LRCH3: variants seen among roughly 807,000 people sequenced by gnomAD.
LRCH3 encodes the protein DISP complex protein LRCH3.
Under a neutral mutation model 104.5 loss-of-function variants are expected in LRCH3, and 68 were observed. That is an observed-to-expected ratio of 0.65 (90% CI 0.54 to 0.80). The LOEUF (loss-of-function observed/expected upper bound fraction) is 0.80, where lower values mean the gene tolerates loss of function less well. Ranked by LOEUF, LRCH3 falls within the 30% of genes least tolerant of loss-of-function variation. The pLI, the probability that LRCH3 is intolerant of heterozygous loss-of-function variation, is 0.00. For synonymous variants in LRCH3, 344 were observed against 361.3 expected, an observed-to-expected ratio of 0.95 and a Z score of 0.54; for missense variants, 951 against 953.9, an observed-to-expected ratio of 1.00 and a Z score of 0.04.
intron 7 of LRCH3, among the ~76,000 whole-genome samples, chr3:197,831,575 G>A (rs1017178144): frequency 6.6e-6 from 1 of 151,790 alleles, no homozygotes; most frequent in African/African-American, 2.4e-5. Context: ...GTTCATAAAT[G>A]TGGCTGTATC....
At chr3:197,850,351 C>CTTTTTTTTTTTTTTTTTTCTT in intron 12 of LRCH3, 5 of 618,702 alleles carry the variant, frequency 8.1e-6, no homozygotes, top group South Asian at 4.2e-5. Context: ...ACCATTTTTT[C>CTTTTTTTTTTTTTTTTTTCTT]TTTTTTTTTT....
chr3:197,791,525 G>T lies in LRCH3; in HGVS notation c.247G>T (p.Asp83Tyr). 1 of 1,591,258 alleles carries T rather than the reference G, an allele frequency of 6.3e-7. No homozygotes were observed. The highest frequency in any genetic ancestry group is 8.5e-7 in the Non-Finnish European group (1 of 1,171,642). Residue 83 changes from aspartate (D) to tyrosine (Y), a missense_variant, in exon 1 of 21, where the codon GAC becomes TAC. By Grantham distance (160) the Asp-to-Tyr change is radical (BLOSUM62 -3). Coordinates refer to ENST00000425562, the MANE Select transcript of LRCH3 (RefSeq NM_001365715.1). Reference sequence around the variant, plus strand: ...GGGAGCGGCCAACCACGACCTGACGGACACCACCCGGGCGGGTGAGCGGGG... The same window carrying T: ...GGGAGCGGCCAACCACGACCTGACGTACACCACCCGGGCGGGTGAGCGGGG... ...PRGAANHDLT[D>Y]TTRADLSRNR...
intron 15 of LRCH3, among the ~76,000 whole-genome samples, chr3:197,862,530 T>TCTAGTCTATG (rs1560590770): frequency 6.6e-6 from 1 of 152,226 alleles, no homozygotes; most frequent in African/African-American, 2.4e-5. Context: ...TTTTTAAATT[T>TCTAGTCTATG]TTGAAAATAT....
Position 197,791,405 on chromosome 3 carries a change from G to T in LRCH3, c.127G>T (p.Gly43Cys), listed in dbSNP as rs778870012. 9.4e-6 allele frequency: 15 copies of T among 1,592,816 alleles called. No homozygotes were observed. In the East Asian group the frequency reaches 2.3e-4, roughly 24 times the overall value. The part of the protein sequence containing the change: ...SSGAGPGFGP[G>C]SWSRSLDRAL... ...CGGGGCAGGCCCTGGTTTTGGCCCG[G>T]GCTCGTGGAGCCGCTCTCTCGATCG... The change falls in exon 1 of 21, where the codon GGC becomes TGC. Residue 43 changes from glycine to cysteine, a missense_variant. Transcript: ENST00000425562.
In LRCH3 at chr3:197,847,429, C is replaced by G; in HGVS notation, c.1349C>G (p.Ser450Cys). The change falls in exon 11 of 21, where the codon TCC becomes TGC. Residue 450 changes from serine to cysteine, a missense_variant. Ser to Cys is a moderately radical substitution (Grantham distance 112). Transcript: ENST00000425562. ...GTCAGGGTTCCAGCTGAGCCATCTT[C>G]CCTCCTGTCACTATCAGCAAGTCAC... ...HQNRVPAEPS[S>C]LLSLSASHNQ... The G allele has an allele frequency of 6.2e-7, 1 of 1,600,392 alleles. No homozygotes were observed. Among genetic ancestry groups the G allele is most frequent in the Non-Finnish European group, 8.5e-7 (1 of 1,174,998 alleles).
chr3:197,879,653 A>G (rs1713417020), intron 20 of LRCH3, among the ~76,000 whole-genome samples: 1 of 152,068 alleles, frequency 6.6e-6, no homozygotes, highest in Admixed American at 6.5e-5. Context: ...AATAAAACAG[A>G]CACCCTCTGA....
At chr3:197,819,019 G>T (rs1734169491) in intron 3 of LRCH3, among the ~76,000 whole-genome samples, 1 of 151,886 alleles carries the variant, frequency 6.6e-6, no homozygotes, top group Admixed American at 6.6e-5. Flanking sequence ...CCAGCAACTT[G>T]GGAGGCTGAG....
At chr3:197,840,236 G>A (rs1441146385) in intron 10 of LRCH3, among the ~76,000 whole-genome samples, 3 of 152,044 alleles carry the variant, frequency 2.0e-5, no homozygotes, top group Admixed American at 6.6e-5. Flanking sequence ...TCAGGAGTTC[G>A]AGACCAGCCT....
intron 10 of LRCH3, among the ~76,000 whole-genome samples, chr3:197,840,111 C>G (rs1274378394): frequency 1.3e-5 from 2 of 152,130 alleles, no homozygotes; most frequent in Non-Finnish European, 2.9e-5. Flanking sequence ...CGTTAATACA[C>G]TCTTTCCACT....
chr3:197,800,682 G>T (rs1273609288), intron 1 of LRCH3, among the ~76,000 whole-genome samples: 1 of 152,190 alleles, frequency 6.6e-6, no homozygotes, highest in Admixed American at 6.5e-5. Context: ...CTCAGAGAAA[G>T]TTGTGTGTAT....
intron 4 of LRCH3, among the ~76,000 whole-genome samples, chr3:197,823,654 A>G (rs531839880): frequency 1.3e-5 from 2 of 151,606 alleles, no homozygotes; most frequent in Admixed American, 6.6e-5. Flanking sequence ...ACACCCAGAA[A>G]ATTTTGTATT....
intron 15 of LRCH3, among the ~76,000 whole-genome samples, chr3:197,861,049 G>A (rs1740824095): frequency 1.3e-5 from 2 of 148,868 alleles, no homozygotes. Flanking sequence ...TCGGCTCACT[G>A]CAACCTCTGC....
intron 12 of LRCH3, among the ~76,000 whole-genome samples, chr3:197,852,050 T>C (rs1739678178): frequency 6.6e-6 from 1 of 152,244 alleles, no homozygotes; most frequent in South Asian, 2.1e-4. Context: ...ATCACTGAAA[T>C]ACTGTGTACA....
At chr3:197,882,309 T>C (rs1713842619) in intron 20 of LRCH3, 1 of 985,310 alleles carries the variant, frequency 1.0e-6, no homozygotes, top group Non-Finnish European at 1.2e-6. Flanking sequence ...TTAAGTATCA[T>C]TTATCTAGAC....
intron 1 of LRCH3, among the ~76,000 whole-genome samples, chr3:197,798,854 G>A (rs1030110589): frequency 6.6e-6 from 1 of 152,180 alleles, no homozygotes; most frequent in Non-Finnish European, 1.5e-5. Context: ...TTTAAAACTT[G>A]GTTCTTCATT....
At chr3:197,845,659 C>G (rs1738565210) in intron 10 of LRCH3, among the ~76,000 whole-genome samples, 2 of 152,044 alleles carry the variant, frequency 1.3e-5, no homozygotes, top group African/African-American at 2.4e-5. Flanking sequence ...AATCCCAGCA[C>G]TTTGGGAGGC....
intron 2 of LRCH3, among the ~76,000 whole-genome samples, chr3:197,815,263 A>G (rs1478252194): frequency 6.6e-6 from 1 of 152,078 alleles, no homozygotes; most frequent in Non-Finnish European, 1.5e-5. Context: ...CTGACTTACT[A>G]CAGTGGGATT....
rs779413083 is a variant in LRCH3, at chr3:197,832,342, A to T, written c.1102+25A>T. 3 of 1,608,792 alleles carry T rather than the reference A, an allele frequency of 1.9e-6. No individual in the cohort carries two copies. The East Asian group carries it at 6.7e-5, about 36-fold the overall frequency. On this transcript the variant is annotated intron_variant, in intron 8 of 20. Coordinates refer to ENST00000425562, the MANE Select transcript of LRCH3 (RefSeq NM_001365715.1). ...GGTAAACATAATTCCGGTGACAGCT[A>T]AAGTGTTTGCAACCATTTAACTTTT...
chr3:197,871,587 T>G, intron 19 of LRCH3, 125 bp downstream of exon 19: 1 of 1,294,268 alleles, frequency 7.7e-7, no homozygotes, highest in South Asian at 1.5e-5. Flanking sequence ...AGTCTCTACC[T>G]TCCTGGTCTC....
Sources: gnomAD v4.1 joint callset for allele counts (sites outside exome capture counted in the v4.1 genomes callset) on GRCh38, gnomAD v4.1.1 for gene constraint, MANE v1.5 for transcripts, NCBI Gene and HGNC (gene_info 2026-07-23, HGNC 2026-07-21) for gene names.